SLC37A3: variants seen among roughly 807,000 people sequenced by gnomAD.
SLC37A3 encodes the protein sugar phosphate exchanger 3.
In SLC37A3, 51 loss-of-function variants were observed where a neutral mutation model predicts 67.1. That is an observed-to-expected ratio of 0.76 (90% CI 0.61 to 0.96). SLC37A3 has a LOEUF of 0.96. Among genes scored for constraint, SLC37A3 ranks in the 40% least tolerant of loss-of-function variants. SLC37A3 has a pLI of 0.00. For synonymous variants in SLC37A3, 214 were observed against 231.4 expected (o/e 0.92, Z 0.68); for missense variants, 508 against 603.0 (o/e 0.84, Z 1.65).
intron 10 of SLC37A3, chr7:140,348,345 CAAAA>C (rs1796651927): frequency 7.8e-6 from 2 of 256,348 alleles, no homozygotes; most frequent in Admixed American, 5.6e-5. Context: ...CTTCCCGAGA[CAAAA>C]GAACTGATCC....
chr7:140,355,271 G>T (rs184071855), intron 7 of SLC37A3, among the ~76,000 whole-genome samples: 1 of 151,892 alleles, frequency 6.6e-6, no homozygotes, highest in East Asian at 1.9e-4. Context: ...GAGTGAAGCG[G>T]TGCGACCTTG....
At chr7:140,390,088 C>CA (rs1305601052) in intron 1 of SLC37A3, among the ~76,000 whole-genome samples, 1 of 151,866 alleles carries the variant, frequency 6.6e-6, no homozygotes, top group African/African-American at 2.4e-5. Context: ...AATCCTGCCT[C>CA]AAAAAACAAA....
chr7:140,362,162 C>T (rs1357606956), intron 5 of SLC37A3, among the ~76,000 whole-genome samples: 1 of 141,204 alleles, frequency 7.1e-6, no homozygotes, highest in South Asian at 2.5e-4. Context: ...TCTTCCCCGC[C>T]GCCCATTGTC....
intron 13 of SLC37A3, among the ~76,000 whole-genome samples, chr7:140,339,240 T>A (rs554478016): frequency 6.6e-6 from 1 of 150,966 alleles, no homozygotes; most frequent in South Asian, 2.1e-4. Flanking sequence ...AATGTTGACA[T>A]ACAAATATCT....
intron 13 of SLC37A3, chr7:140,337,561 T>C (rs779463433): frequency 2.3e-5 from 9 of 397,988 alleles, no homozygotes; most frequent in Admixed American, 8.9e-5. Flanking sequence ...AACCGTATAA[T>C]AGAAGTTGTC....
At chr7:140,368,480 T>C (rs12703795) in intron 4 of SLC37A3, among the ~76,000 whole-genome samples, 57,408 of 151,972 alleles carry the variant, frequency 0.38, 12,095 homozygotes, top group Non-Finnish European at 0.47. Flanking sequence ...GGCAGGAGAA[T>C]TGCTTGAACC....
chr7:140,386,902 G>C (rs1294472214), intron 1 of SLC37A3: 1 of 152,130 alleles, frequency 6.6e-6, no homozygotes, highest in Non-Finnish European at 1.5e-5. Context: ...AGGTATGGTT[G>C]TAGACTCTAT....
chr7:140,354,590 T>C (rs181230824), intron 7 of SLC37A3, among the ~76,000 whole-genome samples: 2 of 152,262 alleles, frequency 1.3e-5, no homozygotes, highest in Admixed American at 1.3e-4. Context: ...AAGCAGTGAG[T>C]AGAATATTTT....
chr7:140,377,138 T>C (rs12667471), intron 3 of SLC37A3, among the ~76,000 whole-genome samples: 78,614 of 151,582 alleles, frequency 0.52, 20,579 homozygotes, highest in South Asian at 0.64. Flanking sequence ...GAGAATGGAA[T>C]GTCGCCATGT....
chr7:140,382,017 AAAAAAAAAAAAAAGTGAGATATGTTTTTT>A (rs1300059459), intron 2 of SLC37A3, among the ~76,000 whole-genome samples: 4 of 151,172 alleles, frequency 2.6e-5, no homozygotes, highest in Non-Finnish European at 4.4e-5. Context: ...CCGTCTCAAA[AAAAAAAAAAAAAAGTGAGATATGTTTTTT>A]AAAAAAAAAA....
intron 6 of SLC37A3, among the ~76,000 whole-genome samples, chr7:140,356,152 C>A (rs1168351344): frequency 6.7e-6 from 1 of 150,224 alleles, no homozygotes; most frequent in Non-Finnish European, 1.5e-5. Context: ...CGAGATCACG[C>A]CACTGCACTC....
At chr7:140,361,498 C>A (rs67985863) in intron 5 of SLC37A3, among the ~76,000 whole-genome samples, 1 of 71,146 alleles carries the variant, frequency 1.4e-5, no homozygotes, top group Non-Finnish European at 2.6e-5. Context: ...CCTCTCCCTC[C>A]CCCTCCCCCT....
chr7:140,396,331 T>A (rs1378892333), intron 1 of SLC37A3, among the ~76,000 whole-genome samples: 1 of 152,162 alleles, frequency 6.6e-6, no homozygotes, highest in Non-Finnish European at 1.5e-5. Context: ...GCCACAAGTA[T>A]CTTTTTTATC....
At position 140,364,390 on chromosome 7, in the gene SLC37A3, T is replaced by G. The variant is rs1207625863; in HGVS notation, c.375+18A>C. The G allele has an allele frequency of 6.2e-7, 1 of 1,607,046 alleles. No individual in the cohort carries two copies. The highest frequency in any genetic ancestry group is 8.5e-7 in the Non-Finnish European group (1 of 1,176,514). On this transcript the variant is annotated intron_variant, in intron 5 of 14. Coordinates refer to ENST00000326232, the MANE Select transcript of SLC37A3 (RefSeq NM_207113.3). ...AAATACCTGACCAAAATAATAATAA[T>G]AAGACCTTTCAACTTACCACTAATG...
At chr7:140,362,562 C>G in intron 5 of SLC37A3, among the ~76,000 whole-genome samples, 1 of 125,640 alleles carries the variant, frequency 8.0e-6, no homozygotes, top group Non-Finnish European at 1.7e-5. Context: ...GGGTCAGCCC[C>G]CCGCCCGGCC....
intron 9 of SLC37A3, 91 bp from the exon 10 acceptor site, chr7:140,348,858 G>A (rs1796684687): frequency 6.7e-7 from 1 of 1,491,598 alleles, no homozygotes; most frequent in Non-Finnish European, 9.1e-7. Flanking sequence ...ACAAAATAAA[G>A]GAAGTTAGGA....
In SLC37A3 at chr7:140,390,598, T is replaced by C. The variant is rs1227397379; in HGVS notation, c.-71+7818A>G. Among the ~76,000 whole-genome samples the C allele has an allele frequency of 3.3e-5, 5 of 152,126 alleles. No individual in the cohort carries two copies. The East Asian group carries it at 9.7e-4, about 29-fold the overall frequency. The stretch of plus-strand genomic sequence containing the variant: ...GCTGTTCCCCATAGATGTCAGGGAC[T>C]GATCTCCCTCGCACTCCCGTCCCAT... On this transcript the variant is annotated intron_variant, in intron 1 of 14. Coordinates refer to ENST00000326232, the MANE Select transcript of SLC37A3 (RefSeq NM_207113.3).
At chr7:140,397,396 G>A (rs968646048) in intron 1 of SLC37A3, among the ~76,000 whole-genome samples, 4 of 151,922 alleles carry the variant, frequency 2.6e-5, no homozygotes, top group Admixed American at 2.0e-4. Context: ...GTTTCACCAT[G>A]TTGGCCAGGC....
chr7:140,365,465 A>G (rs1490401567), intron 4 of SLC37A3, among the ~76,000 whole-genome samples: 1 of 152,180 alleles, frequency 6.6e-6, no homozygotes, highest in African/African-American at 2.4e-5. Flanking sequence ...TCACACCTGT[A>G]ATCCCAGCAC....
Sources: allele counts gnomAD v4.1 joint callset (sites outside exome capture counted in the v4.1 genomes callset), GRCh38; gene constraint gnomAD v4.1.1; transcripts MANE v1.5; gene names NCBI Gene and HGNC (gene_info 2026-07-23, HGNC 2026-07-21).